RGS6: variants seen among roughly 807,000 people sequenced by gnomAD.
RGS6 encodes regulator of G-protein signaling 6.
In RGS6, 30 loss-of-function variants were observed where a neutral mutation model predicts 78.5. The observed-to-expected ratio is 0.38, with a 90% CI of 0.29 to 0.52. The LOEUF (loss-of-function observed/expected upper bound fraction) is 0.52. Among genes scored for constraint, RGS6 ranks in the 20% least tolerant of loss-of-function variants. The probability of loss-of-function intolerance (pLI) is 0.85; values close to 1 mark genes in which losing one functional copy is unlikely to be tolerated. For missense variants in RGS6, 495 were observed against 609.7 expected (o/e 0.81, Z 1.98); for synonymous variants, 206 against 206.0 (o/e 1.00, Z 0.00).
chr14:72,598,950 A>G, the RGS6 span, among the ~76,000 whole-genome samples: 2 of 152,128 alleles, frequency 1.3e-5, no homozygotes, highest in Non-Finnish European at 2.9e-5. Flanking sequence ...AGGATTCTCT[A>G]TTACCCTAAA....
At chr14:71,889,289 A>C in the RGS6 span, among the ~76,000 whole-genome samples, 2 of 152,148 alleles carry the variant, frequency 1.3e-5, no homozygotes, top group African/African-American at 4.8e-5. Flanking sequence ...ATTGCGGGGA[A>C]GTACATGGTG....
In RGS6 at chr14:72,193,139, A is replaced by G. The variant is rs1453287566; in HGVS notation, c.85-158956A>G. On this transcript the variant is annotated intron_variant, in intron 2 of 17. Coordinates refer to ENST00000553525, the MANE Select transcript of RGS6 (RefSeq NM_001204424.2). ...CTCCCAAGTAGCTGGGACTACAGACATGCACCACCACACCTGGCTAATTTT... is the reference window on the plus strand; with the variant it reads ...CTCCCAAGTAGCTGGGACTACAGACGTGCACCACCACACCTGGCTAATTTT... Among the ~76,000 whole-genome samples the G allele has an allele frequency of 4.6e-5, 7 of 152,108 alleles. No individual in the cohort carries two copies. In the East Asian group the frequency reaches 1.2e-3, roughly 25 times the overall value.
intron 2 of RGS6, among the ~76,000 whole-genome samples, chr14:72,103,285 A>C (rs763121907): frequency 6.6e-6 from 1 of 152,200 alleles, no homozygotes; most frequent in Admixed American, 6.5e-5. Context: ...CTGAGTGTCA[A>C]ATCTGGCATG....
the RGS6 span, among the ~76,000 whole-genome samples, chr14:72,585,893 G>C: frequency 9.4e-3 from 1,423 of 152,186 alleles, 26 homozygotes; most frequent in African/African-American, 0.032. Context: ...TTCTCACCTG[G>C]ATAGAGTCTT....
intron 3 of RGS6, among the ~76,000 whole-genome samples, chr14:72,390,644 G>A (rs1034967435): frequency 4.6e-5 from 7 of 152,094 alleles, no homozygotes; most frequent in Admixed American, 1.3e-4. Flanking sequence ...AATGTTTAGA[G>A]GTAAAATGTT....
At chr14:72,182,314 C>T (rs2097183568) in intron 2 of RGS6, among the ~76,000 whole-genome samples, 1 of 151,462 alleles carries the variant, frequency 6.6e-6, no homozygotes, top group Non-Finnish European at 1.5e-5. Context: ...GTGGTACATG[C>T]CTGTAGTCCC....
At chr14:72,002,730 G>C (rs2083723814) in intron 2 of RGS6, among the ~76,000 whole-genome samples, 1 of 152,154 alleles carries the variant, frequency 6.6e-6, no homozygotes, top group Non-Finnish European at 1.5e-5. Context: ...TGTTTCTGGG[G>C]AGACAGATTT....
At chr14:71,906,322 T>C in the RGS6 span, among the ~76,000 whole-genome samples, 47 of 152,320 alleles carry the variant, frequency 3.1e-4, no homozygotes, top group South Asian at 1.9e-3. Context: ...GTCTGCACAG[T>C]TGGGGGCTCT....
the RGS6 span, among the ~76,000 whole-genome samples, chr14:72,618,734 CTT>C: frequency 1.1e-4 from 16 of 151,410 alleles, no homozygotes; most frequent in African/African-American, 2.7e-4. Context: ...GAAGGCAACT[CTT>C]TGTCTCCACA....
intron 2 of RGS6, among the ~76,000 whole-genome samples, chr14:72,174,100 G>A (rs148615976): frequency 3.7e-4 from 46 of 125,990 alleles, no homozygotes; most frequent in Admixed American, 1.0e-3. Context: ...CTTTAAGGGC[G>A]AGAACACATT....
intron 2 of RGS6, among the ~76,000 whole-genome samples, chr14:71,969,442 G>A (rs1182273968): frequency 6.6e-6 from 1 of 152,110 alleles, no homozygotes; most frequent in Admixed American, 6.6e-5. Flanking sequence ...GGGTCAGGAG[G>A]CATGGAAGAC....
chr14:72,199,270 C>G (rs2040921319), intron 2 of RGS6, among the ~76,000 whole-genome samples: 1 of 152,190 alleles, frequency 6.6e-6, no homozygotes, highest in Non-Finnish European at 1.5e-5. Context: ...ATGCCATTAT[C>G]CACTGCGTCA....
chr14:72,297,694 G>A (rs539063603), intron 2 of RGS6, among the ~76,000 whole-genome samples: 15 of 149,954 alleles, frequency 1.0e-4, no homozygotes, highest in Admixed American at 7.3e-4. Flanking sequence ...TTGTTCTTGC[G>A]ATAGTTTACT....
intron 2 of RGS6, among the ~76,000 whole-genome samples, chr14:72,202,304 C>A (rs1054512024): frequency 3.9e-5 from 6 of 152,166 alleles, no homozygotes; most frequent in African/African-American, 1.4e-4. Context: ...ACATTAATTA[C>A]CCGAGGATAC....
At chr14:72,626,161 G>A in the RGS6 span, among the ~76,000 whole-genome samples, 1 of 152,020 alleles carries the variant, frequency 6.6e-6, no homozygotes, top group African/African-American at 2.4e-5. Flanking sequence ...TTGATTTTAA[G>A]TATTTATCTA....
At chr14:72,492,045 G>T (rs2153406326) in intron 12 of RGS6, among the ~76,000 whole-genome samples, 1 of 152,294 alleles carries the variant, frequency 6.6e-6, no homozygotes, top group East Asian at 1.9e-4. Context: ...GAAAATAAGA[G>T]AATTAATGGA....
intron 2 of RGS6, among the ~76,000 whole-genome samples, chr14:72,227,442 C>A (rs1442967791): frequency 6.6e-6 from 1 of 152,060 alleles, no homozygotes; most frequent in Non-Finnish European, 1.5e-5. Context: ...CTGGAGACAT[C>A]TAAATTAAGA....
chr14:72,428,217 C>T (rs562782977), intron 3 of RGS6, among the ~76,000 whole-genome samples: 4 of 152,230 alleles, frequency 2.6e-5, no homozygotes, highest in African/African-American at 9.6e-5. Flanking sequence ...AACAGGATTC[C>T]AGAGGCACTT....
chr14:72,087,243 G>A (rs1283859233), intron 2 of RGS6, among the ~76,000 whole-genome samples: 1 of 152,072 alleles, frequency 6.6e-6, no homozygotes, highest in Non-Finnish European at 1.5e-5. Flanking sequence ...TGATTCTCTT[G>A]CCTCAGCCTC....
Sources: gnomAD v4.1 joint callset for allele counts (sites outside exome capture counted in the v4.1 genomes callset) on GRCh38, gnomAD v4.1.1 for gene constraint, MANE v1.5 for transcripts, NCBI Gene and HGNC (gene_info 2026-07-23, HGNC 2026-07-21) for gene names.